PLXDC2: variants seen among roughly 807,000 people sequenced by gnomAD.
The protein encoded by PLXDC2 is plexin domain-containing protein 2.
Under a neutral mutation model 68.9 loss-of-function variants are expected in PLXDC2, and 40 were observed. The ratio of observed to expected loss-of-function variants is 0.58; its 90% CI spans 0.45 to 0.76. The LOEUF is 0.76. Among genes scored for constraint, PLXDC2 ranks in the 30% least tolerant of loss-of-function variants. The pLI is 0.00. For synonymous variants in PLXDC2, 243 were observed against 234.2 expected (o/e 1.04, Z -0.34); for missense variants, 644 against 661.9 (o/e 0.97, Z 0.30).
chr10:20,208,065 T>A (rs767731759), intron 9 of PLXDC2, among the ~76,000 whole-genome samples: 7 of 152,152 alleles, frequency 4.6e-5, no homozygotes, highest in Non-Finnish European at 8.8e-5. Context: ...TAAGAAAATA[T>A]AAGGCAAAAG....
intron 1 of PLXDC2, among the ~76,000 whole-genome samples, chr10:19,822,941 A>T (rs1836497932): frequency 6.6e-6 from 1 of 151,692 alleles, no homozygotes; most frequent in East Asian, 1.9e-4. Context: ...TTTGAGACAG[A>T]GTCTCGCTGT....
At chr10:19,910,168 T>TTATATATATATATATATATATATATA (rs3043811) in intron 1 of PLXDC2, among the ~76,000 whole-genome samples, 1 of 145,210 alleles carries the variant, frequency 6.9e-6, no homozygotes, top group African/African-American at 2.5e-5. Context: ...TTGTACACTT[T>TTATATATATATATATATATATATATA]TATATATATA....
intron 6 of PLXDC2, among the ~76,000 whole-genome samples, chr10:20,159,776 G>A (rs1589658502): frequency 6.6e-6 from 1 of 152,120 alleles, no homozygotes; most frequent in East Asian, 1.9e-4. Flanking sequence ...CTAAAATTCA[G>A]TCAAGCCCTT....
chr10:20,144,488 G>A (rs1252067503), intron 5 of PLXDC2, among the ~76,000 whole-genome samples: 1 of 152,162 alleles, frequency 6.6e-6, no homozygotes, highest in Non-Finnish European at 1.5e-5. Flanking sequence ...AACATCTTGA[G>A]TAACACCAAG....
chr10:19,913,304 C>G (rs1833307058), intron 1 of PLXDC2, among the ~76,000 whole-genome samples: 1 of 152,104 alleles, frequency 6.6e-6, no homozygotes, highest in Non-Finnish European at 1.5e-5. Context: ...CCTCCCCTTT[C>G]TCTCTTTTCC....
At chr10:19,955,108 G>C (rs1456205593) in intron 1 of PLXDC2, among the ~76,000 whole-genome samples, 1 of 143,576 alleles carries the variant, frequency 7.0e-6, no homozygotes, top group Non-Finnish European at 1.5e-5. Flanking sequence ...CTGAGACAGG[G>C]TCTTGTTCTG....
chr10:19,987,760 T>C (rs1834671015), intron 1 of PLXDC2, among the ~76,000 whole-genome samples: 1 of 151,976 alleles, frequency 6.6e-6, no homozygotes, highest in South Asian at 2.1e-4. Flanking sequence ...GAGATGGGGT[T>C]TCACCTTGTT....
intron 1 of PLXDC2, among the ~76,000 whole-genome samples, chr10:19,993,152 A>G (rs887725957): frequency 6.6e-6 from 1 of 152,178 alleles, no homozygotes; most frequent in African/African-American, 2.4e-5. Context: ...ATTAGAAGCA[A>G]TGTGTAAAAC....
intron 1 of PLXDC2, among the ~76,000 whole-genome samples, chr10:19,823,524 A>T (rs1367885128): frequency 6.6e-6 from 1 of 151,986 alleles, no homozygotes; most frequent in Non-Finnish European, 1.5e-5. Flanking sequence ...TTCCCTAAAA[A>T]TAAAAAAAAT....
intron 1 of PLXDC2, among the ~76,000 whole-genome samples, chr10:19,845,555 C>T (rs1270657862): frequency 6.6e-6 from 1 of 152,124 alleles, no homozygotes; most frequent in Non-Finnish European, 1.5e-5. Context: ...GAGCTTACCC[C>T]ATGAGAGTTC....
At chr10:20,124,898 G>A (rs1008194113) in intron 4 of PLXDC2, among the ~76,000 whole-genome samples, 1 of 152,160 alleles carries the variant, frequency 6.6e-6, no homozygotes, top group Non-Finnish European at 1.5e-5. Context: ...AGGTCACAGG[G>A]AATATCATGG....
At chr10:19,831,995 G>C (rs1436717358) in intron 1 of PLXDC2, among the ~76,000 whole-genome samples, 1 of 152,134 alleles carries the variant, frequency 6.6e-6, no homozygotes, top group Non-Finnish European at 1.5e-5. Flanking sequence ...ACATATCATA[G>C]TTTTTGTTAG....
At chr10:20,009,969 G>A (rs1392813699) in intron 2 of PLXDC2, among the ~76,000 whole-genome samples, 1 of 152,054 alleles carries the variant, frequency 6.6e-6, no homozygotes, top group Non-Finnish European at 1.5e-5. Flanking sequence ...AATTGTTGTG[G>A]TGTGACATGA....
intron 9 of PLXDC2, among the ~76,000 whole-genome samples, chr10:20,178,479 A>G (rs540983725): frequency 3.3e-5 from 5 of 152,244 alleles, no homozygotes; most frequent in Admixed American, 3.3e-4. Flanking sequence ...CTGCCTGAGA[A>G]TAAGTCCCTT....
At chr10:20,007,138 C>G (rs1461960013) in intron 2 of PLXDC2, among the ~76,000 whole-genome samples, 1 of 152,210 alleles carries the variant, frequency 6.6e-6, no homozygotes, top group Non-Finnish European at 1.5e-5. Context: ...GAGCAGCCTT[C>G]ACTGAATTCC....
chr10:20,149,298 G>A (rs2131799499), intron 6 of PLXDC2, among the ~76,000 whole-genome samples: 1 of 123,920 alleles, frequency 8.1e-6, no homozygotes, highest in South Asian at 2.7e-4. Context: ...GAGTGCAATG[G>A]CCAGATCTTG....
At chr10:20,185,028 TA>T (rs1383213680) in intron 9 of PLXDC2, among the ~76,000 whole-genome samples, 2 of 151,552 alleles carry the variant, frequency 1.3e-5, no homozygotes, top group Non-Finnish European at 1.5e-5. Context: ...AGGAGAGCAT[TA>T]GGACAAATAC....
intron 1 of PLXDC2, among the ~76,000 whole-genome samples, chr10:19,937,423 T>G (rs914443471): frequency 6.6e-6 from 1 of 151,662 alleles, no homozygotes; most frequent in African/African-American, 2.4e-5. Flanking sequence ...ATTCTTCACT[T>G]CCTTCTTTCC....
At chr10:20,200,518 A>G (rs1834902967) in intron 9 of PLXDC2, among the ~76,000 whole-genome samples, 1 of 152,082 alleles carries the variant, frequency 6.6e-6, no homozygotes, top group Non-Finnish European at 1.5e-5. Flanking sequence ...CTTACCAACA[A>G]AAACAAACAT....
Sources: allele counts gnomAD v4.1 joint callset (sites outside exome capture counted in the v4.1 genomes callset), GRCh38; gene constraint gnomAD v4.1.1; transcripts MANE v1.5; gene names NCBI Gene and HGNC (gene_info 2026-07-23, HGNC 2026-07-21).